NCOR1: variants seen among roughly 807,000 people sequenced by gnomAD.
NCOR1 encodes nuclear receptor corepressor 1, also known as protein phosphatase 1, regulatory subunit 109.
A neutral mutation model predicts 288.1 loss-of-function variants in NCOR1; 63 were observed. That is an observed-to-expected ratio of 0.22 (90% confidence interval 0.18 to 0.27). The LOEUF is 0.27. NCOR1 is among the 10% of genes least tolerant of loss of function. The pLI, the probability that NCOR1 is intolerant of heterozygous loss-of-function variation, is 1.00. For synonymous variants in NCOR1, 1,007 were observed against 1,065.9 expected, an observed-to-expected ratio of 0.94 and a Z score of 1.08; for missense variants, 2,397 against 3,019.2, an observed-to-expected ratio of 0.79 and a Z score of 4.83.
intron 17 of NCOR1, 135 bp from the exon 18 acceptor site, chr17:16,118,162 A>G: frequency 1.2e-6 from 1 of 801,236 alleles, no homozygotes; most frequent in Non-Finnish European, 1.9e-6. Context: ...CTTATCATAT[A>G]TACTTTGATA....
intron 3 of NCOR1, among the ~76,000 whole-genome samples, chr17:16,181,207 A>ATGTGTGTG (rs1422388328): frequency 9.3e-4 from 80 of 85,802 alleles, no homozygotes; most frequent in East Asian, 5.5e-3. Context: ...ATACATATAT[A>ATGTGTGTG]TGTATGTGTG....
At position 16,127,345 on chromosome 17, in the gene NCOR1, GTATA is replaced by G. The variant is rs1287236889; in HGVS notation, c.1510-1143_1510-1140del. On this transcript the variant is annotated intron_variant, in intron 14 of 45. Coordinates refer to ENST00000268712, the MANE Select transcript of NCOR1 (RefSeq NM_006311.4). ...TATATGTATGTATATATACATGTAT[GTATA>G]TATGTATGTATATATACATGTATGT... Among the ~76,000 whole-genome samples the G allele has an allele frequency of 1.1e-3, 96 of 88,600 alleles. 29 individuals carry two copies. Among genetic ancestry groups the G allele is most frequent in the African/African-American group, 5.4e-3 (88 of 16,432 alleles). 58.1% of individuals were successfully genotyped at this position (88,600 alleles called of 152,430 possible).
chr17:16,197,360 T>C (rs576653027), intron 1 of NCOR1, among the ~76,000 whole-genome samples: 85 of 151,270 alleles, frequency 5.6e-4, no homozygotes, highest in African/African-American at 2.0e-3. Context: ...TGTGGTACCA[T>C]GTAATATATA....
chr17:16,170,556 C>T (rs906196065), intron 4 of NCOR1, among the ~76,000 whole-genome samples: 2 of 151,952 alleles, frequency 1.3e-5, no homozygotes, highest in African/African-American at 2.4e-5. Flanking sequence ...AAACATAGGC[C>T]CGGCACAGTG....
intron 16 of NCOR1, among the ~76,000 whole-genome samples, chr17:16,119,982 G>GA (rs1468706738): frequency 9.9e-5 from 15 of 151,790 alleles, no homozygotes. Flanking sequence ...TTTGCTTCAG[G>GA]AAAAAAACAA....
At chr17:16,154,081 C>G (rs2079319048) in intron 6 of NCOR1, among the ~76,000 whole-genome samples, 1 of 134,314 alleles carries the variant, frequency 7.4e-6, no homozygotes, top group Non-Finnish European at 1.5e-5. Flanking sequence ...GGCTGGGACA[C>G]AATGGCACGA....
At chr17:16,138,276 AAC>A in intron 12 of NCOR1, 64 bp from the exon 13 acceptor site, 1 of 1,407,314 alleles carries the variant, frequency 7.1e-7, no homozygotes, top group African/African-American at 1.5e-5. Context: ...AAAAAAAAAA[AAC>A]TTGGGAAAAG....
At chr17:16,054,769 TAAA>T (rs1185094886) in intron 40 of NCOR1, among the ~76,000 whole-genome samples, 1 of 151,950 alleles carries the variant, frequency 6.6e-6, no homozygotes, top group Non-Finnish European at 1.5e-5. Flanking sequence ...CTGTCTCTAC[TAAA>T]AATACAAAAA....
chr17:16,089,124 G>GTT (rs61185663), intron 22 of NCOR1, among the ~76,000 whole-genome samples: 3 of 139,016 alleles, frequency 2.2e-5, no homozygotes, highest in African/African-American at 2.6e-5. Context: ...CATAGTAGTG[G>GTT]TTTTTTTTTT....
chr17:16,058,075 A>AC lies in NCOR1; in HGVS notation c.6011-12dup. On this transcript the variant is annotated splice_polypyrimidine_tract_variant and intron_variant, in intron 38 of 45. Coordinates refer to ENST00000268712, the MANE Select transcript of NCOR1 (RefSeq NM_006311.4). ...GTCTGGTAGGATCATCTAGGAGAGA[A>AC]CACATAGATGTCTTACTCCAGGAAT... 2 of 1,612,812 alleles carry AC rather than the reference A, an allele frequency of 1.2e-6. No individual in the cohort carries two copies. The highest frequency in any genetic ancestry group is 1.7e-6 in the Non-Finnish European group (2 of 1,178,848).
intron 35 of NCOR1, among the ~76,000 whole-genome samples, chr17:16,062,868 A>G (rs1224301842): frequency 6.6e-6 from 1 of 152,152 alleles, no homozygotes; most frequent in East Asian, 1.9e-4. Flanking sequence ...CTTCTACAAT[A>G]TTTGGTATGT....
intron 5 of NCOR1, among the ~76,000 whole-genome samples, chr17:16,163,107 C>T (rs981782523): frequency 2.6e-5 from 4 of 151,826 alleles, no homozygotes; most frequent in Admixed American, 1.3e-4. Flanking sequence ...TCTGTGACCG[C>T]GAATTAGGCA....
intron 19 of NCOR1, among the ~76,000 whole-genome samples, 164 bp downstream of exon 19, chr17:16,108,622 T>C (rs1419316112): frequency 1.3e-5 from 2 of 152,210 alleles, no homozygotes; most frequent in Non-Finnish European, 2.9e-5. Flanking sequence ...TAAATATTTG[T>C]TGATTAAATG....
intron 14 of NCOR1, among the ~76,000 whole-genome samples, chr17:16,132,596 G>C (rs2075808049): frequency 6.6e-6 from 1 of 152,096 alleles, no homozygotes; most frequent in Non-Finnish European, 1.5e-5. Context: ...TCAGAATTTG[G>C]AGAGAAGAGT....
At chr17:16,077,094 AAGC>A (rs1475633397) in intron 26 of NCOR1, among the ~76,000 whole-genome samples, 2 of 152,076 alleles carry the variant, frequency 1.3e-5, no homozygotes, top group African/African-American at 4.8e-5. Context: ...ATTCTTCCAC[AAGC>A]AGCAGAATGC....
At position 16,099,229 on chromosome 17, in the gene NCOR1, C is replaced by A. The variant is rs75645434; in HGVS notation, c.2691-733G>T. On this transcript the variant is annotated intron_variant, in intron 20 of 45. Coordinates refer to ENST00000268712, the MANE Select transcript of NCOR1 (RefSeq NM_006311.4). ...TCACACTCCACCGGCTGATGTTGCC[C>A]ATACCTACACTCAAGTTTAGGATGC... Among the ~76,000 whole-genome samples, 978 of 152,250 alleles carry A rather than the reference C, an allele frequency of 6.4e-3. 14 individuals are homozygous for A. The highest frequency in any genetic ancestry group is 0.023 in the African/African-American group (945 of 41,526).
intron 18 of NCOR1, 72 bp from the exon 19 acceptor site, chr17:16,108,984 A>G (rs2153058041): frequency 7.8e-7 from 1 of 1,274,694 alleles, no homozygotes; most frequent in Non-Finnish European, 1.1e-6. Flanking sequence ...GAAATAATGT[A>G]GAACATTGAT....
intron 3 of NCOR1, 51 bp downstream of exon 3, chr17:16,186,503 T>C (rs748123445): frequency 1.9e-6 from 3 of 1,561,086 alleles, no homozygotes. Flanking sequence ...GACAAACTTG[T>C]ATACTTCACA....
At chr17:16,179,780 C>T (rs2084990144) in intron 3 of NCOR1, among the ~76,000 whole-genome samples, 1 of 152,066 alleles carries the variant, frequency 6.6e-6, no homozygotes, top group Non-Finnish European at 1.5e-5. Context: ...CTTTGGGAGG[C>T]CCAGGCGGGC....
Sources: allele counts gnomAD v4.1 joint callset (sites outside exome capture counted in the v4.1 genomes callset), GRCh38; gene constraint gnomAD v4.1.1; transcripts MANE v1.5; gene names NCBI Gene and HGNC (gene_info 2026-07-23, HGNC 2026-07-21).